TRIM66: variants seen among roughly 807,000 people sequenced by gnomAD.
TRIM66 encodes tripartite motif containing 66.
In TRIM66, 99 loss-of-function variants were observed where a neutral mutation model predicts 148.2. The ratio of observed to expected loss-of-function variants is 0.67; its 90% CI spans 0.57 to 0.79. The LOEUF (loss-of-function observed/expected upper bound fraction) is 0.79, where lower values mean the gene tolerates loss of function less well. TRIM66 is among the 30% of genes least tolerant of loss of function. The pLI is 0.00. For synonymous variants in TRIM66, 616 were observed against 635.9 expected (o/e 0.97, Z 0.47); for missense variants, 1,666 against 1,697.9 (o/e 0.98, Z 0.33).
At position 8,671,770 on chromosome 11, in the gene TRIM66, G is replaced by C. The variant is rs1384103524; in HGVS notation, c.340+16C>G. ...TTATGTAGTGGGAGGTGAACTTGTG[G>C]TGCCTTTGTACTTACCATCTGCAAC... On this transcript the variant is annotated intron_variant, in intron 6 of 24. Transcript: ENST00000646038. 2.1e-5 allele frequency: 24 copies of C among 1,116,872 alleles called. No homozygotes were observed. The highest frequency in any genetic ancestry group is 1.4e-4 in the Admixed American group (7 of 50,422). 69.2% of individuals were successfully genotyped at this position (1,116,872 alleles called of 1,614,324 possible).
At position 8,640,875 on chromosome 11, in the gene TRIM66, G is replaced by C. The variant is rs754524842; in HGVS notation, c.1500C>G (p.Pro500=). 8 of 1,550,362 alleles carry C rather than the reference G, an allele frequency of 5.2e-6. No individual in the cohort carries two copies. The highest frequency in any genetic ancestry group is 5.2e-6 in the Non-Finnish European group (6 of 1,146,952). ...HSFRQPPEMV[P]QQLGSLQCSA... The stretch of plus-strand genomic sequence containing the variant: ...AGCACTGCAGAGACCCCAGCTGCTG[G>C]GGCACCATCTCAGGGGGCTGCCTGA... The change falls in exon 14 of 25, where the codon CCC becomes CCG. Residue 500 remains proline, a synonymous_variant. Coordinates refer to ENST00000646038, the MANE Select transcript of TRIM66 (RefSeq NM_001388022.1).
intron 6 of TRIM66, among the ~76,000 whole-genome samples, chr11:8,662,292 A>T (rs897432744): frequency 6.6e-6 from 1 of 152,148 alleles, no homozygotes; most frequent in Non-Finnish European, 1.5e-5. Flanking sequence ...ATTCCCACCC[A>T]AGACCATTAG....
chr11:8,643,399 G>A (rs1020553382), intron 12 of TRIM66, among the ~76,000 whole-genome samples: 1 of 151,144 alleles, frequency 6.6e-6, no homozygotes, highest in African/African-American at 2.4e-5. Flanking sequence ...GAGTGCAGTG[G>A]CGCGATCTTA....
At chr11:8,664,230 T>C (rs1444146897) in intron 6 of TRIM66, among the ~76,000 whole-genome samples, 1 of 152,234 alleles carries the variant, frequency 6.6e-6, no homozygotes, top group African/African-American at 2.4e-5. Flanking sequence ...AACATCATGT[T>C]GTACACTGTA....
At chr11:8,682,881 G>T (rs1207685464), upstream of TRIM66, 1 of 1,551,142 alleles carries the variant, frequency 6.4e-7, no homozygotes, top group Non-Finnish European at 8.7e-7. Flanking sequence ...TATTCCCATT[G>T]CCCCTAGTCA....
In TRIM66 at chr11:8,648,452, C is replaced by T. The variant is rs1422107437; in HGVS notation, c.689G>A (p.Cys230Tyr). The change falls in exon 9 of 25, where the codon TGC becomes TAC. Residue 230 changes from cysteine (C) to tyrosine (Y), a missense_variant. This residue lies in a region of TRIM66 where 1,431 missense variants were observed against 1,412.4 expected (regional missense o/e 1.01). Transcript: ENST00000646038. ...GTGTTCCACCACTAGGCAGCTATGGCAAGTGAGCATATCACATGTCTCACA... is the reference window on the plus strand; with the variant it reads ...GTGTTCCACCACTAGGCAGCTATGGTAAGTGAGCATATCACATGTCTCACA... ...LFCETCDMLT[C>Y]HSCLVVEHKE... 1 of 1,551,738 alleles carries T rather than the reference C, an allele frequency of 6.4e-7. No individual in the cohort carries two copies. The highest frequency in any genetic ancestry group is 8.7e-7 in the Non-Finnish European group (1 of 1,147,010).
chr11:8,683,120 G>A (rs1315805115), upstream of TRIM66: 2 of 1,408,204 alleles, frequency 1.4e-6, no homozygotes, highest in South Asian at 1.2e-5. Context: ...TGACCCACAG[G>A]CTTACAGGAC....
At chr11:8,631,182 G>A (rs1317720714) in intron 15 of TRIM66, among the ~76,000 whole-genome samples, 1 of 152,160 alleles carries the variant, frequency 6.6e-6, no homozygotes, top group Non-Finnish European at 1.5e-5. Flanking sequence ...TTGAAAACAG[G>A]CTGGCTAGTC....
chr11:8,677,510 T>C (rs1334446366), intron 3 of TRIM66, among the ~76,000 whole-genome samples: 1 of 152,172 alleles, frequency 6.6e-6, no homozygotes, highest in African/African-American at 2.4e-5. Context: ...CTGGGCGTGA[T>C]GGTCATGCCT....
intron 19 of TRIM66, 105 bp from the exon 20 acceptor site, chr11:8,621,426 T>C: frequency 7.1e-7 from 1 of 1,417,532 alleles, no homozygotes; most frequent in East Asian, 2.5e-5. Context: ...TGAGAGCCAC[T>C]TATTCCAGGA....
intron 4 of TRIM66, among the ~76,000 whole-genome samples, chr11:8,673,210 G>A (rs564575182): frequency 6.6e-6 from 1 of 152,072 alleles, no homozygotes; most frequent in Non-Finnish European, 1.5e-5. Context: ...TTACAGGCAT[G>A]AGCCACCGAG....
rs141841686 is a variant in TRIM66, at chr11:8,679,817, G to C, written c.-384-3C>G. 1 of 152,588 alleles carries C rather than the reference G, an allele frequency of 6.6e-6. No homozygotes were observed. The highest frequency in any genetic ancestry group is 2.4e-5 in the African/African-American group (1 of 41,444). The allele number at this position is 152,588 out of a possible 1,614,324, so 9.5% of individuals were successfully genotyped here. A position where few individuals can be genotyped will look rare whatever the true frequency, so the allele number is the denominator to read the frequency against. On this transcript the variant is annotated splice_polypyrimidine_tract_variant and splice_region_variant and intron_variant, in intron 2 of 24. Coordinates refer to ENST00000646038, the MANE Select transcript of TRIM66 (RefSeq NM_001388022.1). ...ATGGAGGGATGAAGACCATAATGCT[G>C]TAAGGTCAGAGAGGGACTGGTCACT...
intron 13 of TRIM66, among the ~76,000 whole-genome samples, chr11:8,641,381 A>C (rs1335906568): frequency 2.0e-5 from 3 of 152,148 alleles, no homozygotes; most frequent in Non-Finnish European, 4.4e-5. Context: ...TTCAGCTTTT[A>C]CCAGATGCTC....
intron 14 of TRIM66, among the ~76,000 whole-genome samples, chr11:8,639,878 TA>T (rs2036212039): frequency 6.6e-6 from 1 of 152,150 alleles, no homozygotes; most frequent in African/African-American, 2.4e-5. Flanking sequence ...GATGACAAGA[TA>T]AGAGACAGCC....
chr11:8,638,969 C>T (rs759631552), intron 14 of TRIM66, among the ~76,000 whole-genome samples, 154 bp from the exon 15 acceptor site: 12 of 152,184 alleles, frequency 7.9e-5, no homozygotes, highest in Non-Finnish European at 7.3e-5. Context: ...GAAAAATACT[C>T]TTATCCCAAC....
chr11:8,619,209 G>A, intron 23 of TRIM66, 174 bp downstream of exon 23: 1 of 818,814 alleles, frequency 1.2e-6, no homozygotes, highest in African/African-American at 1.7e-5. Flanking sequence ...CTGAGTCCAT[G>A]CTAAGGCCTG....
rs765082249 is a variant in TRIM66 at position 8,629,734 on chromosome 11, G to A, written c.2311-4506C>T. Among the ~76,000 whole-genome samples, 7 of 152,182 alleles carry A rather than the reference G, an allele frequency of 4.6e-5. No homozygotes were observed. In the East Asian group the frequency reaches 5.8e-4, roughly 13 times the overall value. ...TCCCGTAATGCCCAGAAGACAATAC[G>A]AGGTCAGCAATACATCCCAAGATAT... On this transcript the variant is annotated intron_variant, in intron 15 of 24. Transcript: ENST00000646038.
At chr11:8,625,279 G>A (rs1436880610) in intron 15 of TRIM66, 51 bp from the exon 16 acceptor site, 13 of 1,451,336 alleles carry the variant, frequency 9.0e-6, no homozygotes, top group South Asian at 1.4e-5. Context: ...TGGGAATGGA[G>A]GGAGGGAGAG....
At chr11:8,666,702 A>G (rs189588007) in intron 6 of TRIM66, among the ~76,000 whole-genome samples, 44 of 152,354 alleles carry the variant, frequency 2.9e-4, no homozygotes, top group African/African-American at 1.0e-3. Flanking sequence ...AATGGCAGGC[A>G]GATCAGGAAT....
Sources: gnomAD v4.1 joint callset for allele counts (sites outside exome capture counted in the v4.1 genomes callset) on GRCh38, gnomAD v4.1.1 for gene constraint, gnomAD v4.1.1 regional missense constraint, MANE v1.5 for transcripts, NCBI Gene and HGNC (gene_info 2026-07-23, HGNC 2026-07-21) for gene names.